SLC22A4: variants seen among roughly 807,000 people sequenced by gnomAD.
The protein encoded by SLC22A4 is solute carrier family 22 member 4.
Under a neutral mutation model 56.6 loss-of-function variants are expected in SLC22A4, and 39 were observed. That is an observed-to-expected ratio of 0.69 (90% CI 0.53 to 0.90). SLC22A4 has a LOEUF of 0.90. SLC22A4 is among the 40% of genes least tolerant of loss of function. The pLI is 0.00. For missense variants in SLC22A4, 594 were observed against 696.5 expected (o/e 0.85, Z 1.66); for synonymous variants, 241 against 281.4 (o/e 0.86, Z 1.44).
Position 132,294,804 on chromosome 5 carries a change from G to C in SLC22A4, c.188G>C (p.Arg63Pro). The C allele has an allele frequency of 6.2e-7, 1 of 1,612,802 alleles. No individual in the cohort carries two copies. The highest frequency in any genetic ancestry group is 8.5e-7 in the Non-Finnish European group (1 of 1,179,944). Residue 63 changes from arginine (R) to proline (P), a missense_variant, in exon 1 of 10, where the codon CGC becomes CCC. Physicochemically the swap from Arg to Pro is moderately radical, Grantham distance 103. Transcript: ENST00000200652. The surrounding 1 kb of genome is among the most constrained non-coding windows in gnomAD (Gnocchi z 5.6). ...GCCGCGAACCTGAGCAGCGCCTGGC[G>C]CAACAACAGTGTCCCGCTGCGGCTG... ...PDAANLSSAWRNNSVPLRLRD... is the reference protein window; with the variant it reads ...PDAANLSSAWPNNSVPLRLRD...
At chr5:132,329,848 G>A (rs915075986) in intron 5 of SLC22A4, among the ~76,000 whole-genome samples, 5 of 152,122 alleles carry the variant, frequency 3.3e-5, no homozygotes, top group Non-Finnish European at 7.4e-5. Flanking sequence ...AATCACCCAA[G>A]TGCTTTAAGA....
chr5:132,295,424 T>C (rs888744368), intron 1 of SLC22A4: 1 of 403,670 alleles, frequency 2.5e-6, no homozygotes, highest in Non-Finnish European at 4.9e-6. Flanking sequence ...ATCTTGTCTG[T>C]TCCCTGGCCA....
Position 132,304,586 on chromosome 5 carries a change from T to C in SLC22A4, c.394-7575T>C, listed in dbSNP as rs956069222. ...GAGCCGAGATCATGCCACTGTACTC[T>C]AGCTTGGGCAACAGAGTGAGACTTC... On this transcript the variant is annotated intron_variant, in intron 1 of 9. Coordinates refer to ENST00000200652, the MANE Select transcript of SLC22A4 (RefSeq NM_003059.3). 7.0e-4 allele frequency among the ~76,000 whole-genome samples: 106 copies of C among 152,150 alleles called. 1 individual carries two copies. The highest frequency in any genetic ancestry group is 2.4e-3 in the African/African-American group (100 of 41,512).
intron 8 of SLC22A4, among the ~76,000 whole-genome samples, chr5:132,336,341 T>C (rs1283586823): frequency 2.0e-5 from 3 of 152,104 alleles, no homozygotes; most frequent in Non-Finnish European, 4.4e-5. Context: ...CTGGCCAGCA[T>C]GGTGAAACCC....
chr5:132,314,700 GC>G (rs1462337541), intron 3 of SLC22A4, among the ~76,000 whole-genome samples: 1 of 152,238 alleles, frequency 6.6e-6, no homozygotes, highest in Non-Finnish European at 1.5e-5. Flanking sequence ...GACTCTGATT[GC>G]TTTTTAAGAG....
chr5:132,306,229 G>A (rs1251069118), intron 1 of SLC22A4, among the ~76,000 whole-genome samples: 2 of 151,228 alleles, frequency 1.3e-5, no homozygotes, highest in African/African-American at 4.9e-5. Context: ...TCACTACTAT[G>A]TATATACCCC....
At chr5:132,299,753 G>A (rs563303944) in intron 1 of SLC22A4, among the ~76,000 whole-genome samples, 26 of 152,230 alleles carry the variant, frequency 1.7e-4, no homozygotes, top group Admixed American at 1.2e-3. Flanking sequence ...CGCGCCTGGC[G>A]ATTATTTTTT....
At chr5:132,310,648 G>A (rs1750156889) in intron 1 of SLC22A4, among the ~76,000 whole-genome samples, 1 of 152,216 alleles carries the variant, frequency 6.6e-6, no homozygotes, top group Non-Finnish European at 1.5e-5. Context: ...CCTGTGGCCA[G>A]CATTTGAGCA....
chr5:132,334,278 T>C (rs1750952573), intron 6 of SLC22A4, among the ~76,000 whole-genome samples: 1 of 152,262 alleles, frequency 6.6e-6, no homozygotes, highest in Non-Finnish European at 1.5e-5. Flanking sequence ...TGTTAAAGAA[T>C]GAAATCTGGA....
Position 132,331,672 on chromosome 5 carries a change from A to G in SLC22A4, c.952-84A>G, listed in dbSNP as rs550557147. ...TCAAGGTGAAGTGAGAGTTGCATGC[A>G]TAAGTTTTCCCCATGCATCATAGCC... On this transcript the variant is annotated intron_variant, in intron 5 of 9. Transcript: ENST00000200652. 3.3e-4 allele frequency: 313 copies of G among 953,978 alleles called. 2 individuals carry two copies. In the South Asian group the frequency reaches 3.8e-3, roughly 12 times the overall value. 59.1% of individuals were successfully genotyped at this position (953,978 alleles called of 1,614,324 possible).
chr5:132,337,739 C>CTT (rs751483738), intron 8 of SLC22A4, among the ~76,000 whole-genome samples: 2 of 142,044 alleles, frequency 1.4e-5, no homozygotes, highest in Non-Finnish European at 1.5e-5. Context: ...TTCTTTGCCC[C>CTT]TTTTTTTTTT....
chr5:132,331,895 T>A, intron 6 of SLC22A4, 45 bp downstream of exon 6: 1 of 1,198,762 alleles, frequency 8.3e-7, no homozygotes, highest in Non-Finnish European at 1.2e-6. Flanking sequence ...AGCACATAAG[T>A]ATGCAACTGA....
intron 4 of SLC22A4, among the ~76,000 whole-genome samples, chr5:132,326,700 C>T (rs1438811565): frequency 6.6e-6 from 1 of 152,226 alleles, no homozygotes. Flanking sequence ...GGGCTCATCT[C>T]CCAAAAGCTG....
intron 9 of SLC22A4, among the ~76,000 whole-genome samples, chr5:132,341,078 T>C (rs573271976): frequency 6.6e-6 from 1 of 151,052 alleles, no homozygotes; most frequent in African/African-American, 2.4e-5. Flanking sequence ...ATCACACCAC[T>C]GCACTCCAGC....
chr5:132,309,990 C>A (rs1750142496), intron 1 of SLC22A4, among the ~76,000 whole-genome samples: 2 of 152,264 alleles, frequency 1.3e-5, no homozygotes, highest in South Asian at 4.1e-4. Context: ...CATGTTAATG[C>A]CTCTACCAAT....
At chr5:132,326,230 C>G (rs1397203581) in intron 4 of SLC22A4, among the ~76,000 whole-genome samples, 2 of 152,240 alleles carry the variant, frequency 1.3e-5, no homozygotes, top group Non-Finnish European at 1.5e-5. Flanking sequence ...TGCCCTGCAT[C>G]CCTACCAAAT....
chr5:132,316,874 C>T (rs1056004343), intron 3 of SLC22A4, among the ~76,000 whole-genome samples: 3 of 151,690 alleles, frequency 2.0e-5, no homozygotes, highest in Non-Finnish European at 2.9e-5. Flanking sequence ...TTTAGGATGC[C>T]GTAACAAAAT....
rs962839397 is a variant in SLC22A4, at chr5:132,294,616, C to A, written c.-1C>A. On this transcript the variant is annotated 5_prime_UTR_variant, in exon 1 of 10. Coordinates refer to ENST00000200652, the MANE Select transcript of SLC22A4 (RefSeq NM_003059.3). This position sits in a 1 kb window ranked among gnomAD's most constrained non-coding sequence, Gnocchi z 5.6. Reference sequence around the variant, plus strand: ...CAAGTTTCGGAGCGGCAGTGGGAAGCATGCGGGACTACGACGAGGTGATCG... The same window carrying A: ...CAAGTTTCGGAGCGGCAGTGGGAAGAATGCGGGACTACGACGAGGTGATCG... 9 of 1,614,084 alleles carry A rather than the reference C, an allele frequency of 5.6e-6. No homozygotes were observed. The African/African-American group carries it at 9.3e-5, about 17-fold the overall frequency.
intron 1 of SLC22A4, among the ~76,000 whole-genome samples, chr5:132,301,620 G>A (rs1380041611): frequency 1.3e-5 from 2 of 152,236 alleles, no homozygotes; most frequent in African/African-American, 4.8e-5. Flanking sequence ...ATGTGGCGAA[G>A]GATAAGGCCT....
Sources: allele counts gnomAD v4.1 joint callset (sites outside exome capture counted in the v4.1 genomes callset), GRCh38; gene constraint gnomAD v4.1.1; non-coding constraint Gnocchi (gnomAD v3.1); transcripts MANE v1.5; gene names NCBI Gene and HGNC (gene_info 2026-07-23, HGNC 2026-07-21).